Variants in KANSL3 observed in about 807,000 individuals in gnomAD.
The protein encoded by KANSL3 is KAT8 regulatory NSL complex subunit 3.
In KANSL3, 16 loss-of-function variants were observed where a neutral mutation model predicts 89.2. The ratio of observed to expected loss-of-function variants is 0.18; its 90% CI spans 0.12 to 0.27. The LOEUF (loss-of-function observed/expected upper bound fraction) is 0.27. Among genes scored for constraint, KANSL3 ranks in the 10% least tolerant of loss-of-function variants. The pLI, the probability that KANSL3 is intolerant of heterozygous loss-of-function variation, is 1.00. For synonymous variants in KANSL3, 385 were observed against 419.7 expected (o/e 0.92, Z 1.01); for missense variants, 879 against 1,110.6 (o/e 0.79, Z 2.96).
At chr2:96,583,176 T>G in the KANSL3 span, among the ~76,000 whole-genome samples, 4 of 152,196 alleles carry the variant, frequency 2.6e-5, no homozygotes, top group African/African-American at 9.7e-5. Flanking sequence ...TTACTCTATC[T>G]AAGTGTCACC....
chr2:96,602,995 G>C, intron 17 of KANSL3, 133 bp from the exon 18 acceptor site: 1 of 721,988 alleles, frequency 1.4e-6, no homozygotes, highest in Non-Finnish European at 2.3e-6. Context: ...TCCTCAGAGA[G>C]AAGGCAGGAA....
At position 96,637,036 on chromosome 2, in the gene KANSL3, G is replaced by A; in HGVS notation, c.100C>T (p.Leu34=). 1 of 1,551,680 alleles carries A rather than the reference G, an allele frequency of 6.4e-7. No individual in the cohort carries two copies. Among genetic ancestry groups the A allele is most frequent in the South Asian group, 1.2e-5 (1 of 84,062 alleles). The change falls in exon 2 of 21, where the codon CTG becomes TTG. Residue 34 remains leucine, a synonymous_variant. Coordinates refer to ENST00000431828, the MANE Select transcript of KANSL3 (RefSeq NM_001115016.3). Reference sequence around the variant, plus strand: ...GCATAGCTATGATCCAGAAAAACCAGGTCCAGCTCCCGTTCATGCACTGAA... The same window carrying A: ...GCATAGCTATGATCCAGAAAAACCAAGTCCAGCTCCCGTTCATGCACTGAA... ...QLSVHERELD[L]VFLDHSYAKP...
chr2:96,616,490 A>C (rs1196732364), intron 5 of KANSL3, among the ~76,000 whole-genome samples: 1 of 152,192 alleles, frequency 6.6e-6, no homozygotes, highest in Non-Finnish European at 1.5e-5. Context: ...TCTTTATCAT[A>C]ATGGATCTAA....
intron 20 of KANSL3, among the ~76,000 whole-genome samples, chr2:96,597,426 G>C (rs1235248458): frequency 6.6e-6 from 1 of 152,154 alleles, no homozygotes; most frequent in Non-Finnish European, 1.5e-5. Context: ...GGATCACACA[G>C]CTGGCTGAAA....
chr2:96,599,290 A>G (rs1168896727), intron 20 of KANSL3, among the ~76,000 whole-genome samples: 2 of 152,194 alleles, frequency 1.3e-5, no homozygotes, highest in Non-Finnish European at 2.9e-5. Context: ...GAAAACACAA[A>G]GAGAGAGTTT....
chr2:96,614,042 G>C (rs2069493813), intron 5 of KANSL3, among the ~76,000 whole-genome samples: 1 of 152,176 alleles, frequency 6.6e-6, no homozygotes, highest in South Asian at 2.1e-4. Flanking sequence ...GAGTAGTTTA[G>C]TCAACTATCT....
At chr2:96,592,047 C>T (rs1374708143), downstream of KANSL3, among the ~76,000 whole-genome samples, 3 of 152,110 alleles carry the variant, frequency 2.0e-5, no homozygotes, top group Non-Finnish European at 4.4e-5. Flanking sequence ...TGGCCCTGTC[C>T]CCATACCCCT....
intron 2 of KANSL3, among the ~76,000 whole-genome samples, chr2:96,635,002 C>T (rs72941219): frequency 0.071 from 10,788 of 152,194 alleles, 771 homozygotes; most frequent in African/African-American, 0.18. Flanking sequence ...ATTCACTCTA[C>T]CTATGAAATA....
In KANSL3 at chr2:96,608,512, A is replaced by G; in HGVS notation, c.1737T>C (p.Ala579=). ...CCACTGGCCAAGTGCCTATACCTTG[A>G]GCTTGTTTGTGGGTCAGCACAGCTT... ...RTEAVLTHKQ[A]QVPISSEPPE... Residue 579 remains alanine (A), a synonymous_variant, in exon 14 of 21, where the codon GCT becomes GCC. Coordinates refer to ENST00000431828, the MANE Select transcript of KANSL3 (RefSeq NM_001115016.3). The G allele has an allele frequency of 6.2e-7, 1 of 1,613,990 alleles. No homozygotes were observed. Among genetic ancestry groups the G allele is most frequent in the Non-Finnish European group, 8.5e-7 (1 of 1,179,872 alleles).
intron 14 of KANSL3, 25 bp from the exon 15 acceptor site, chr2:96,605,536 T>C: frequency 6.3e-7 from 1 of 1,588,108 alleles, no homozygotes; most frequent in Non-Finnish European, 8.6e-7. Flanking sequence ...TGAGTTGAGA[T>C]CCTCCACAAT....
intron 5 of KANSL3, among the ~76,000 whole-genome samples, chr2:96,618,610 GCCCAATTTTGTGTTAAGC>G (rs1237651030): frequency 6.6e-6 from 1 of 152,142 alleles, no homozygotes; most frequent in East Asian, 1.9e-4. Flanking sequence ...CTTACTATGT[GCCCAATTTTGTGTTAAGC>G]CCCCTACCTG....
chr2:96,622,306 C>T (rs1573546017), intron 3 of KANSL3, among the ~76,000 whole-genome samples: 1 of 151,480 alleles, frequency 6.6e-6, no homozygotes, highest in Admixed American at 6.6e-5. Flanking sequence ...CCCAAAGTTC[C>T]AGCTATTCAG....
chr2:96,612,382 G>C, intron 8 of KANSL3, 29 bp from the exon 9 acceptor site: 1 of 1,607,738 alleles, frequency 6.2e-7, no homozygotes. Context: ...AAGACAGTAA[G>C]ACAGGAGGCC....
intron 2 of KANSL3, among the ~76,000 whole-genome samples, chr2:96,635,330 AAG>A (rs2074093152): frequency 1.3e-5 from 2 of 152,210 alleles, no homozygotes; most frequent in African/African-American, 2.4e-5. Context: ...ACTGGCCTAA[AAG>A]AGTTCTTACA....
chr2:96,610,907 A>T, intron 10 of KANSL3, 24 bp from the exon 11 acceptor site: 1 of 1,609,856 alleles, frequency 6.2e-7, no homozygotes, highest in Non-Finnish European at 8.5e-7. Flanking sequence ...AGGTTTTAGA[A>T]TCGGCTTCTT....
At chr2:96,589,098 G>A (rs1358412842), downstream of KANSL3, among the ~76,000 whole-genome samples, 1 of 152,028 alleles carries the variant, frequency 6.6e-6, no homozygotes, top group Admixed American at 6.6e-5. Context: ...AAACCGCTAT[G>A]AATAAACCAA....
At chr2:96,600,290 G>T in intron 20 of KANSL3, 1 of 344,180 alleles carries the variant, frequency 2.9e-6, no homozygotes, top group South Asian at 1.2e-4. Context: ...GCTATTAACA[G>T]TGAACATCAT....
intron 3 of KANSL3, among the ~76,000 whole-genome samples, chr2:96,620,676 A>T (rs1228792341): frequency 6.6e-6 from 1 of 152,036 alleles, no homozygotes; most frequent in East Asian, 1.9e-4. Context: ...TGCTCTATTA[A>T]TATGTGTTTT....
At chr2:96,599,522 T>A (rs1176116521) in intron 20 of KANSL3, 1 of 152,376 alleles carries the variant, frequency 6.6e-6, no homozygotes, top group Non-Finnish European at 1.5e-5. Context: ...ACTTTGGAGC[T>A]ATAAAGGAAA....
Sources: allele counts gnomAD v4.1 joint callset (sites outside exome capture counted in the v4.1 genomes callset), GRCh38; gene constraint gnomAD v4.1.1; transcripts MANE v1.5; gene names NCBI Gene and HGNC (gene_info 2026-07-23, HGNC 2026-07-21).